The following TBC1D1 variants were observed in gnomAD, a reference collection of about 807,000 sequenced individuals.
TBC1D1 encodes the protein TBC1 domain family member 1, also known as TBC1 (tre-2/USP6, BUB2, cdc16) domain family, member 1.
In TBC1D1, 89 loss-of-function variants were observed where a neutral mutation model predicts 125.6. The ratio of observed to expected loss-of-function variants is 0.71; its 90% CI spans 0.60 to 0.85. The LOEUF is 0.85. TBC1D1 is among the 40% of genes least tolerant of loss of function. The probability of loss-of-function intolerance (pLI) is 0.00; values close to 1 mark genes in which losing one functional copy is unlikely to be tolerated. For missense variants in TBC1D1, 1,377 were observed against 1,469.2 expected (o/e 0.94, Z 1.03); for synonymous variants, 565 against 564.1 (o/e 1.00, Z -0.02).
chr4:38,037,364 C>T (rs1747422153), intron 8 of TBC1D1, among the ~76,000 whole-genome samples: 1 of 151,542 alleles, frequency 6.6e-6, no homozygotes, highest in African/African-American at 2.4e-5. Context: ...AACACTTTTA[C>T]TAGGGGTTTC....
At chr4:37,998,688 A>G (rs957329218) in intron 2 of TBC1D1, among the ~76,000 whole-genome samples, 2 of 152,138 alleles carry the variant, frequency 1.3e-5, no homozygotes, top group African/African-American at 2.4e-5. Context: ...TTCTGACTTG[A>G]TAGTCTGCCT....
chr4:38,135,902 GTATA>G (rs1210881964), intron 19 of TBC1D1, among the ~76,000 whole-genome samples: 2 of 147,682 alleles, frequency 1.4e-5, no homozygotes, highest in African/African-American at 2.5e-5. Context: ...ATGTGTGTGT[GTATA>G]TATACGTGTG....
chr4:37,913,493 G>T (rs1280170183), intron 2 of TBC1D1, among the ~76,000 whole-genome samples: 1 of 152,012 alleles, frequency 6.6e-6, no homozygotes, highest in Non-Finnish European at 1.5e-5. Flanking sequence ...CAGCTACTCA[G>T]GAGGCTGAGG....
chr4:37,925,163 C>T (rs11096914), intron 2 of TBC1D1, among the ~76,000 whole-genome samples: 120,203 of 152,194 alleles, frequency 0.79, 47,572 homozygotes, highest in East Asian at 0.96. Context: ...CACAGTCACA[C>T]GTCATACCTA....
At chr4:37,979,742 C>G (rs989148290) in intron 2 of TBC1D1, among the ~76,000 whole-genome samples, 2 of 152,158 alleles carry the variant, frequency 1.3e-5, no homozygotes, top group Non-Finnish European at 2.9e-5. Context: ...GGGTGGGTGT[C>G]GGTTGATTCA....
At position 38,137,225 on chromosome 4, in the gene TBC1D1, G is replaced by A; in HGVS notation, c.3397G>A (p.Glu1133Lys). 1 of 1,612,666 alleles carries A rather than the reference G, an allele frequency of 6.2e-7. No individual in the cohort carries two copies. ...GCTGAAGCAGGCCATGCTTACCTTAGAACTGGAGCGGTCGGCCCTGCTGCA... is the reference window on the plus strand; with the variant it reads ...GCTGAAGCAGGCCATGCTTACCTTAAAACTGGAGCGGTCGGCCCTGCTGCA... The change falls in exon 20 of 20, where the codon GAA becomes AAA. Residue 1133 changes from glutamate to lysine, a missense_variant. Glu to Lys is a moderately conservative substitution (Grantham distance 56). Coordinates refer to ENST00000261439, the MANE Select transcript of TBC1D1 (RefSeq NM_015173.4).
chr4:38,033,470 C>T (rs918888006), intron 7 of TBC1D1, among the ~76,000 whole-genome samples: 10 of 152,010 alleles, frequency 6.6e-5, no homozygotes, highest in Non-Finnish European at 1.2e-4. Flanking sequence ...TTCACTGTCC[C>T]CCACCCCACA....
At chr4:38,110,467 C>T (rs954120150) in intron 15 of TBC1D1, 10 of 985,148 alleles carry the variant, frequency 1.0e-5, no homozygotes, top group African/African-American at 3.5e-5. Flanking sequence ...GAAGAACATC[C>T]GTTAGATGAG....
At chr4:37,925,484 G>T (rs373513103) in intron 2 of TBC1D1, among the ~76,000 whole-genome samples, 1 of 152,076 alleles carries the variant, frequency 6.6e-6, no homozygotes, top group Non-Finnish European at 1.5e-5. Flanking sequence ...TCGGGAGGTC[G>T]AGGTGGGGGG....
At chr4:38,092,063 A>T (rs1036292512) in intron 13 of TBC1D1, among the ~76,000 whole-genome samples, 2 of 152,208 alleles carry the variant, frequency 1.3e-5, no homozygotes, top group African/African-American at 2.4e-5. Flanking sequence ...GATTGCTGAT[A>T]AAAAAATAAC....
At chr4:37,992,496 T>G (rs923081917) in intron 2 of TBC1D1, among the ~76,000 whole-genome samples, 2 of 148,220 alleles carry the variant, frequency 1.3e-5, no homozygotes, top group Non-Finnish European at 1.5e-5. Flanking sequence ...GTCTGGTGTT[T>G]TTTTTTTTTT....
At chr4:37,898,050 G>A (rs1715022758) in intron 1 of TBC1D1, among the ~76,000 whole-genome samples, 1 of 152,112 alleles carries the variant, frequency 6.6e-6, no homozygotes, top group Admixed American at 6.5e-5. Flanking sequence ...TATGAGTTAT[G>A]TTCAAATTAT....
intron 12 of TBC1D1, among the ~76,000 whole-genome samples, chr4:38,085,075 CAAT>C (rs547741105): frequency 2.0e-5 from 3 of 152,304 alleles, no homozygotes; most frequent in Admixed American, 6.5e-5. Context: ...CTGTTCATAA[CAAT>C]GATGCAATGT....
At chr4:38,096,720 C>A (rs900436924) in intron 14 of TBC1D1, among the ~76,000 whole-genome samples, 3 of 152,178 alleles carry the variant, frequency 2.0e-5, no homozygotes, top group Non-Finnish European at 2.9e-5. Flanking sequence ...GAACTTGAAA[C>A]TAAGCTTTTG....
At chr4:38,120,847 A>G (rs1187351380) in intron 17 of TBC1D1, among the ~76,000 whole-genome samples, 1 of 152,132 alleles carries the variant, frequency 6.6e-6, no homozygotes, top group African/African-American at 2.4e-5. Context: ...AGAAAAATCT[A>G]AAAAACAGGA....
At chr4:37,951,955 C>T (rs577022146) in intron 2 of TBC1D1, 33 of 717,224 alleles carry the variant, frequency 4.6e-5, no homozygotes, top group Non-Finnish European at 7.8e-5. Context: ...AACCTACATA[C>T]TGACACCTAT....
intron 15 of TBC1D1, among the ~76,000 whole-genome samples, chr4:38,105,319 A>C (rs1351621529): frequency 6.6e-6 from 1 of 152,238 alleles, no homozygotes; most frequent in African/African-American, 2.4e-5. Flanking sequence ...ATGATCAGGT[A>C]GATGTTGTTC....
intron 18 of TBC1D1, among the ~76,000 whole-genome samples, chr4:38,132,185 G>GTT (rs1161564097): frequency 0.055 from 7,969 of 144,320 alleles, 481 homozygotes; most frequent in African/African-American, 0.15. Flanking sequence ...ATCTAGCAGG[G>GTT]TTTTTTTTTT....
At chr4:37,949,227 T>C (rs2380953) in intron 2 of TBC1D1, among the ~76,000 whole-genome samples, 108,076 of 152,136 alleles carry the variant, frequency 0.71, 38,657 homozygotes, top group East Asian at 0.96. Flanking sequence ...TGTGGAGACT[T>C]TTTTGACATA....
Sources: allele counts gnomAD v4.1 joint callset (sites outside exome capture counted in the v4.1 genomes callset), GRCh38; gene constraint gnomAD v4.1.1; transcripts MANE v1.5; gene names NCBI Gene and HGNC (gene_info 2026-07-23, HGNC 2026-07-21).